CPVL: variants seen among roughly 807,000 people sequenced by gnomAD.
CPVL encodes the protein probable serine carboxypeptidase CPVL.
Under a neutral mutation model 63.7 loss-of-function variants are expected in CPVL, and 51 were observed. The ratio of observed to expected loss-of-function variants is 0.80; its 90% CI spans 0.64 to 1.01. CPVL has a LOEUF of 1.01. Ranked by LOEUF, CPVL falls within the 50% of genes least tolerant of loss-of-function variation. CPVL has a pLI of 0.00. For synonymous variants in CPVL, 195 were observed against 206.0 expected (o/e 0.95, Z 0.46); for missense variants, 530 against 573.1 (o/e 0.92, Z 0.77).
At chr7:29,142,099 G>A (rs1435930938) in intron 1 of CPVL, among the ~76,000 whole-genome samples, 4 of 152,150 alleles carry the variant, frequency 2.6e-5, no homozygotes, top group Non-Finnish European at 5.9e-5. Context: ...GAACTTCCCA[G>A]AATGGGAAAA....
Position 29,146,420 on chromosome 7 carries a change from G to A in CPVL, c.-11+9C>T, listed in dbSNP as rs1050545559. 2 of 1,063,054 alleles carry A rather than the reference G, an allele frequency of 1.9e-6. No individual in the cohort carries two copies. Among genetic ancestry groups the A allele is most frequent in the East Asian group, 2.7e-5 (1 of 37,208 alleles). 65.9% of individuals were successfully genotyped at this position (1,063,054 alleles called of 1,614,324 possible). A position where few individuals can be genotyped will look rare whatever the true frequency, so the allele number is the denominator to read the frequency against. ...CTGGCACGACCCACGCAGGGCAGGC[G>A]GCACTTACGCGGCGCAGTCGGTGCT... On this transcript the variant is annotated intron_variant, in intron 1 of 12. Transcript: ENST00000265394.
At chr7:29,072,033 A>G in intron 8 of CPVL, 129 bp from the exon 9 acceptor site, 1 of 1,071,896 alleles carries the variant, frequency 9.3e-7, no homozygotes, top group Non-Finnish European at 1.4e-6. Context: ...TAGGATAATT[A>G]CATGCACACA....
intron 7 of CPVL, among the ~76,000 whole-genome samples, chr7:29,076,779 A>G (rs772531371): frequency 8.5e-5 from 13 of 152,196 alleles, no homozygotes; most frequent in Non-Finnish European, 2.9e-5. Context: ...TAAACTTCCA[A>G]TTCTCCTCCT....
chr7:29,124,551 G>A (rs1448252033), intron 1 of CPVL, among the ~76,000 whole-genome samples: 1 of 151,850 alleles, frequency 6.6e-6, no homozygotes, highest in African/African-American at 2.4e-5. Flanking sequence ...TTTTTGATAT[G>A]GAACAAAGCT....
chr7:29,045,036 A>G (rs1302340924), intron 11 of CPVL, among the ~76,000 whole-genome samples: 3 of 152,218 alleles, frequency 2.0e-5, no homozygotes, highest in South Asian at 2.1e-4. Flanking sequence ...GGTGGTGTGC[A>G]CCAAGAAAAA....
intron 1 of CPVL, among the ~76,000 whole-genome samples, chr7:29,131,099 A>G (rs1246809686): frequency 6.6e-6 from 1 of 152,082 alleles, no homozygotes; most frequent in African/African-American, 2.4e-5. Flanking sequence ...TGAACCCAGG[A>G]GGCGGAGCTT....
At chr7:29,147,054 T>C, upstream of CPVL, 3 of 1,501,716 alleles carry the variant, frequency 2.0e-6, no homozygotes, top group Non-Finnish European at 2.7e-6. Context: ...TGTACCATTA[T>C]ACCCATTTTG....
intron 7 of CPVL, 73 bp from the exon 8 acceptor site, chr7:29,072,496 A>C: frequency 6.5e-7 from 1 of 1,535,356 alleles, no homozygotes; most frequent in Admixed American, 1.8e-5. Flanking sequence ...TAAGCTAATT[A>C]AAATAACAAT....
chr7:29,156,198 G>T (rs148995145), intron 5 of CPVL, among the ~76,000 whole-genome samples: 1 of 152,142 alleles, frequency 6.6e-6, no homozygotes, highest in African/African-American at 2.4e-5. Flanking sequence ...GGACTCGTCT[G>T]GTTTTGCCTG....
chr7:29,034,922 T>C (rs188351106), intron 11 of CPVL, among the ~76,000 whole-genome samples: 31 of 151,866 alleles, frequency 2.0e-4, no homozygotes, highest in Admixed American at 3.3e-4. Context: ...GATGAGTCTT[T>C]TGGAGAAATA....
chr7:29,035,599 G>A (rs1361737229), intron 11 of CPVL, among the ~76,000 whole-genome samples: 1 of 150,676 alleles, frequency 6.6e-6, no homozygotes, highest in African/African-American at 2.5e-5. Flanking sequence ...AAACCGCTGT[G>A]AAATACCAGC....
intron 11 of CPVL, among the ~76,000 whole-genome samples, chr7:29,059,669 G>C (rs1791081271): frequency 6.6e-6 from 1 of 152,102 alleles, no homozygotes; most frequent in Non-Finnish European, 1.5e-5. Flanking sequence ...TCAACAGTCT[G>C]GGTATACAAG....
At chr7:29,085,302 G>A (rs533385001) in intron 7 of CPVL, among the ~76,000 whole-genome samples, 5 of 152,278 alleles carry the variant, frequency 3.3e-5, no homozygotes, top group African/African-American at 7.2e-5. Context: ...AATGGGGACC[G>A]GTCAAAAGGG....
At chr7:29,077,856 C>T (rs377064442) in intron 7 of CPVL, among the ~76,000 whole-genome samples, 1 of 152,140 alleles carries the variant, frequency 6.6e-6, no homozygotes, top group Non-Finnish European at 1.5e-5. Context: ...GTGAAAACCT[C>T]GGTGTAATGG....
chr7:29,084,586 T>C (rs1785034992), intron 7 of CPVL, among the ~76,000 whole-genome samples: 4 of 152,210 alleles, frequency 2.6e-5, no homozygotes, highest in Non-Finnish European at 5.9e-5. Flanking sequence ...TTCACCATTA[T>C]GTTCCTAGCA....
Position 29,064,246 on chromosome 7 carries a change from G to A in CPVL, c.964-12C>T. The A allele has an allele frequency of 6.3e-7, 1 of 1,585,744 alleles. No homozygotes were observed. Among genetic ancestry groups the A allele is most frequent in the Non-Finnish European group, 8.7e-7 (1 of 1,155,558 alleles). ...TGATCCTCAGGTTCCTGGCAGAAGG[G>A]GCATTGGAAAGACATAGGGAACATG... On this transcript the variant is annotated splice_polypyrimidine_tract_variant and intron_variant, in intron 10 of 12. Transcript: ENST00000265394.
chr7:29,178,310 CAG>C (rs1436314847), intron 5 of CPVL, among the ~76,000 whole-genome samples: 1 of 152,164 alleles, frequency 6.6e-6, no homozygotes, highest in Non-Finnish European at 1.5e-5. Flanking sequence ...TAGAAATAAA[CAG>C]AAAGTCTCCA....
intron 1 of CPVL, among the ~76,000 whole-genome samples, chr7:29,136,383 CATA>C (rs1326428590): frequency 6.6e-5 from 10 of 152,050 alleles, no homozygotes; most frequent in Non-Finnish European, 1.5e-4. Flanking sequence ...AGCATATTTA[CATA>C]ATAAGGTAAA....
intron 2 of CPVL, among the ~76,000 whole-genome samples, chr7:29,118,513 T>C (rs1274976626): frequency 2.0e-5 from 3 of 152,224 alleles, no homozygotes; most frequent in African/African-American, 4.8e-5. Flanking sequence ...CAGTCCTTTT[T>C]AAAATACACT....
Sources: allele counts gnomAD v4.1 joint callset (sites outside exome capture counted in the v4.1 genomes callset), GRCh38; gene constraint gnomAD v4.1.1; transcripts MANE v1.5; gene names NCBI Gene and HGNC (gene_info 2026-07-23, HGNC 2026-07-21).